Variants in SH3RF1 observed in about 807,000 individuals in gnomAD.
SH3RF1 encodes E3 ubiquitin-protein ligase SH3RF1.
A neutral mutation model predicts 74.0 loss-of-function variants in SH3RF1; 32 were observed. That is an observed-to-expected ratio of 0.43 (90% CI 0.33 to 0.58). SH3RF1 has a LOEUF of 0.58. Among genes scored for constraint, SH3RF1 ranks in the 20% least tolerant of loss-of-function variants. The pLI, the probability that SH3RF1 is intolerant of heterozygous loss-of-function variation, is 0.05. For synonymous variants in SH3RF1, 396 were observed against 439.6 expected (o/e 0.90, Z 1.24); for missense variants, 954 against 1,130.9 (o/e 0.84, Z 2.24).
At chr4:169,107,341 G>A (rs1733163556) in intron 10 of SH3RF1, 136 bp from the exon 11 acceptor site, 1 of 635,342 alleles carries the variant, frequency 1.6e-6, no homozygotes, top group South Asian at 3.3e-5. Flanking sequence ...GGTATATGGG[G>A]CCTTATGGTT....
chr4:169,110,520 C>T (rs1733225047), intron 10 of SH3RF1, among the ~76,000 whole-genome samples: 1 of 151,908 alleles, frequency 6.6e-6, no homozygotes, highest in African/African-American at 2.4e-5. Context: ...GTCCCAGGTG[C>T]TTGGGAGGCT....
At chr4:169,207,206 C>T (rs1422882361) in intron 2 of SH3RF1, among the ~76,000 whole-genome samples, 1 of 152,166 alleles carries the variant, frequency 6.6e-6, no homozygotes, top group African/African-American at 2.4e-5. Flanking sequence ...AATCCTCCTG[C>T]CTCAGCCTCC....
chr4:169,237,474 C>G, intron 2 of SH3RF1, among the ~76,000 whole-genome samples: 1 of 152,156 alleles, frequency 6.6e-6, no homozygotes, highest in South Asian at 2.1e-4. Flanking sequence ...AACCCCATCT[C>G]TATTTTTAAT....
rs1194848504 is a variant in SH3RF1 at position 169,106,887 on chromosome 4, C to T, written c.2458G>A (p.Gly820Ser). Reference protein sequence around the residue: ...PPPRQACSSLGPVLNESRPVV... With the variant: ...PPPRQACSSLSPVLNESRPVV... ...GGTCTAGACTCATTCAAGACAGGACCCAGGGAGGAACAGGCCTGGCGAGGA... is the reference window on the plus strand; with the variant it reads ...GGTCTAGACTCATTCAAGACAGGACTCAGGGAGGAACAGGCCTGGCGAGGA... The change falls in exon 11 of 12, where the codon GGT becomes AGT. Residue 820 changes from glycine to serine, a missense_variant. By Grantham distance (56) the Gly-to-Ser change is moderately conservative (BLOSUM62 0). This residue lies in a region of SH3RF1 where 854 missense variants were observed against 962.5 expected (regional missense o/e 0.89). Coordinates refer to ENST00000284637, the MANE Select transcript of SH3RF1 (RefSeq NM_020870.4). 2 of 1,612,652 alleles carry T rather than the reference C, an allele frequency of 1.2e-6. No homozygotes were observed. Among genetic ancestry groups the T allele is most frequent in the Admixed American group, 1.7e-5 (1 of 59,960 alleles).
chr4:169,227,860 A>G (rs1246284750), intron 2 of SH3RF1, among the ~76,000 whole-genome samples: 1 of 152,220 alleles, frequency 6.6e-6, no homozygotes, highest in African/African-American at 2.4e-5. Flanking sequence ...ACACGAGAAC[A>G]GAGTTTATTG....
At chr4:169,261,790 C>A (rs933366222) in intron 2 of SH3RF1, among the ~76,000 whole-genome samples, 1 of 152,028 alleles carries the variant, frequency 6.6e-6, no homozygotes, top group South Asian at 2.1e-4. Flanking sequence ...AGTGGTTACC[C>A]CTAGAGATTA....
chr4:169,161,776 T>C (rs920037242), intron 2 of SH3RF1, among the ~76,000 whole-genome samples: 13 of 152,370 alleles, frequency 8.5e-5, no homozygotes, highest in African/African-American at 1.9e-4. Context: ...GATTTTAACT[T>C]GACTTTCAGA....
At chr4:169,248,880 C>A (rs934262850) in intron 2 of SH3RF1, among the ~76,000 whole-genome samples, 1 of 152,112 alleles carries the variant, frequency 6.6e-6, no homozygotes. Context: ...TGAATGGCTC[C>A]GCTCCAAAAC....
intron 2 of SH3RF1, among the ~76,000 whole-genome samples, chr4:169,187,403 C>G: frequency 6.6e-6 from 1 of 152,046 alleles, no homozygotes; most frequent in East Asian, 1.9e-4. Context: ...ATTACCCAAG[C>G]TAGTCTCAAA....
intron 2 of SH3RF1, among the ~76,000 whole-genome samples, chr4:169,172,006 G>T (rs1734336805): frequency 6.6e-6 from 1 of 152,176 alleles, no homozygotes; most frequent in Non-Finnish European, 1.5e-5. Context: ...TACAGCTACA[G>T]AATAGAATGT....
chr4:169,266,229 G>T (rs1211322030), intron 2 of SH3RF1, among the ~76,000 whole-genome samples: 1 of 152,116 alleles, frequency 6.6e-6, no homozygotes, highest in African/African-American at 2.4e-5. Context: ...TTGGCTAAAC[G>T]CATGAGGAGG....
chr4:169,146,834 CA>C (rs1337425311), intron 4 of SH3RF1, among the ~76,000 whole-genome samples: 1 of 151,910 alleles, frequency 6.6e-6, no homozygotes, highest in African/African-American at 2.4e-5. Flanking sequence ...AAAGGATAGC[CA>C]GGGGAAAGGG....
chr4:169,261,496 TA>T (rs1731277779), intron 2 of SH3RF1, among the ~76,000 whole-genome samples: 1 of 151,810 alleles, frequency 6.6e-6, no homozygotes, highest in Non-Finnish European at 1.5e-5. Context: ...ACAAGTTATT[TA>T]AAGTCTTTCA....
chr4:169,256,231 C>T (rs1236835604), intron 2 of SH3RF1, among the ~76,000 whole-genome samples: 1 of 147,118 alleles, frequency 6.8e-6, no homozygotes, highest in East Asian at 2.0e-4. Context: ...GGGAAGGAGG[C>T]AGAGAAGGAA....
At chr4:169,225,461 C>T (rs900471621) in intron 2 of SH3RF1, among the ~76,000 whole-genome samples, 2 of 152,072 alleles carry the variant, frequency 1.3e-5, no homozygotes, top group Admixed American at 6.6e-5. Flanking sequence ...TTAGATAGAA[C>T]GCTAGGGACA....
intron 4 of SH3RF1, among the ~76,000 whole-genome samples, chr4:169,149,117 C>T (rs567699842): frequency 1.8e-4 from 27 of 152,126 alleles, no homozygotes; most frequent in African/African-American, 5.8e-4. Flanking sequence ...ACTCCATAAA[C>T]ATTAACCGAT....
chr4:169,270,912 T>A lies in SH3RF1; in HGVS notation c.-149A>T, dbSNP rs1211782525. On this transcript the variant is annotated 5_prime_UTR_variant, in exon 1 of 12. Transcript: ENST00000284637. Reference sequence around the variant, plus strand: ...GCGGCCCCGCAGCGGCTGCGGCGGCTGATGCAGATGCGGCCCCACCGCGCT... The same window carrying A: ...GCGGCCCCGCAGCGGCTGCGGCGGCAGATGCAGATGCGGCCCCACCGCGCT... The A allele has an allele frequency of 6.6e-6, 1 of 151,670 alleles. No homozygotes were observed. Among genetic ancestry groups the A allele is most frequent in the African/African-American group, 2.4e-5 (1 of 41,192 alleles). The allele number at this position is 151,670 out of a possible 1,614,324, so 9.4% of individuals were successfully genotyped here. A position where few individuals can be genotyped will look rare whatever the true frequency, so the allele number is the denominator to read the frequency against.
At chr4:169,241,834 C>G (rs1730916077) in intron 2 of SH3RF1, among the ~76,000 whole-genome samples, 1 of 152,154 alleles carries the variant, frequency 6.6e-6, no homozygotes, top group South Asian at 2.1e-4. Flanking sequence ...TCGGTAAAGT[C>G]AACCTTGAGA....
intron 10 of SH3RF1, among the ~76,000 whole-genome samples, chr4:169,113,981 G>A (rs1453499913): frequency 6.6e-6 from 1 of 152,192 alleles, no homozygotes; most frequent in Non-Finnish European, 1.5e-5. Flanking sequence ...GTTGAGTTGA[G>A]TTACAGCTGT....
Sources: allele counts gnomAD v4.1 joint callset (sites outside exome capture counted in the v4.1 genomes callset), GRCh38; gene constraint gnomAD v4.1.1; regional missense constraint gnomAD v4.1.1; transcripts MANE v1.5; gene names NCBI Gene and HGNC (gene_info 2026-07-23, HGNC 2026-07-21).